The following BCO2 variants were observed in gnomAD, a reference collection of about 807,000 sequenced individuals.
BCO2 encodes the protein beta-carotene oxygenase 2, also known as carotenoid-cleaving dioxygenase, mitochondrial.
Under a neutral mutation model 65.8 loss-of-function variants are expected in BCO2, and 56 were observed. That is an observed-to-expected ratio of 0.85 (90% CI 0.69 to 1.06). The LOEUF (loss-of-function observed/expected upper bound fraction) is 1.06, where lower values mean the gene tolerates loss of function less well. Ranked by LOEUF, BCO2 falls within the 50% of genes least tolerant of loss-of-function variation. The pLI, the probability that BCO2 is intolerant of heterozygous loss-of-function variation, is 0.00. For missense variants in BCO2, 675 were observed against 698.5 expected (o/e 0.97, Z 0.38); for synonymous variants, 233 against 242.3 (o/e 0.96, Z 0.36).
Position 112,193,645 on chromosome 11 carries a change from G to A in BCO2, c.465G>A (p.Lys155=), listed in dbSNP as rs142649310. 25 of 1,614,174 alleles carry A rather than the reference G, an allele frequency of 1.5e-5. No individual in the cohort carries two copies. In the Admixed American group the frequency reaches 3.2e-4, roughly 20 times the overall value. The change falls in exon 3 of 12, where the codon AAG becomes AAA. Residue 155 remains lysine (K), a synonymous_variant. Transcript: ENST00000357685. ...FGTLALPDPC[K]NVFERFMSRF... ...CACTGGCTCTCCCGGATCCATGCAAGAATGTTTTTGAACGTTTCATGTCCA... is the reference window on the plus strand; with the variant it reads ...CACTGGCTCTCCCGGATCCATGCAAAAATGTTTTTGAACGTTTCATGTCCA...
At chr11:112,181,438 C>T (rs1867046471) in intron 2 of BCO2, 1 of 639,644 alleles carries the variant, frequency 1.6e-6, no homozygotes, top group Admixed American at 2.2e-5. Flanking sequence ...GCCTCGGCCT[C>T]CCAAAGTGCT....
At chr11:112,194,812 A>G (rs1867522469) in intron 5 of BCO2, 57 bp downstream of exon 5, 2 of 1,203,840 alleles carry the variant, frequency 1.7e-6, no homozygotes, top group East Asian at 2.4e-5. Context: ...CGGTGTGTAT[A>G]TAAAGATGAA....
rs374837817 is a variant in BCO2 at position 112,193,654 on chromosome 11, T to C, written c.474T>C (p.Phe158=). 25 of 1,614,072 alleles carry C rather than the reference T, an allele frequency of 1.5e-5. No homozygotes were observed. The African/African-American group carries it at 2.3e-4, about 15-fold the overall frequency. ...TCCCGGATCCATGCAAGAATGTTTT[T>C]GAACGTTTCATGTCCAGGTTTGAGC... The part of the protein sequence containing the change: ...LALPDPCKNV[F]ERFMSRFELP... Residue 158 remains phenylalanine (F), a synonymous_variant, in exon 3 of 12, where the codon TTT becomes TTC. Transcript: ENST00000357685.
chr11:112,190,842 G>C (rs993100247), intron 2 of BCO2, among the ~76,000 whole-genome samples: 6 of 141,172 alleles, frequency 4.3e-5, no homozygotes, highest in Non-Finnish European at 6.1e-5. Flanking sequence ...GGGCGACAGA[G>C]TGAGACTCTG....
chr11:112,185,255 C>T (rs1046853349), intron 2 of BCO2, among the ~76,000 whole-genome samples: 6 of 152,074 alleles, frequency 3.9e-5, no homozygotes, highest in Admixed American at 6.6e-5. Context: ...AAGATCTAAA[C>T]ATGGTGTGCT....
chr11:112,189,835 T>C (rs975917864), intron 2 of BCO2, among the ~76,000 whole-genome samples: 2 of 152,196 alleles, frequency 1.3e-5, no homozygotes, highest in African/African-American at 4.8e-5. Context: ...AAATGTGAGA[T>C]AGTCCCAATA....
At chr11:112,216,052 C>T in intron 10 of BCO2, 168 bp from the exon 11 acceptor site, 1 of 605,642 alleles carries the variant, frequency 1.7e-6, no homozygotes, top group South Asian at 1.9e-5. Context: ...CAGCACTTCC[C>T]ACTAGGCCCC....
At chr11:112,199,909 G>C in intron 6 of BCO2, 82 bp downstream of exon 6, 1 of 1,504,220 alleles carries the variant, frequency 6.6e-7, no homozygotes. Context: ...CAAATGTTAT[G>C]TTAATAGTTT....
chr11:112,189,669 TGGGATTACA>T (rs1867313107), intron 2 of BCO2, among the ~76,000 whole-genome samples: 1 of 152,142 alleles, frequency 6.6e-6, no homozygotes, highest in Non-Finnish European at 1.5e-5. Flanking sequence ...CCCAAAGTGC[TGGGATTACA>T]GGCGTAAGCC....
At chr11:112,215,292 C>T (rs575983601) in intron 10 of BCO2, 42 of 310,430 alleles carry the variant, frequency 1.4e-4, no homozygotes, top group African/African-American at 8.1e-4. Context: ...AAGACTCCCT[C>T]TCTTTCTCCC....
chr11:112,197,936 C>A (rs1867626164), intron 5 of BCO2, among the ~76,000 whole-genome samples: 1 of 152,204 alleles, frequency 6.6e-6, no homozygotes, highest in South Asian at 2.1e-4. Flanking sequence ...TCCCAGATAT[C>A]CTCAAGGCTT....
intron 8 of BCO2, among the ~76,000 whole-genome samples, chr11:112,212,296 T>A (rs1859532897): frequency 6.6e-6 from 1 of 152,162 alleles, no homozygotes. Context: ...TGTTGGGAGT[T>A]CCCAGGATCA....
chr11:112,181,030 CCA>C, intron 2 of BCO2: 1 of 1,463,978 alleles, frequency 6.8e-7, no homozygotes, highest in Admixed American at 1.7e-5. Context: ...TGTTAGGATT[CCA>C]CACAGAGTGG....
intron 7 of BCO2, 35 bp from the exon 8 acceptor site, chr11:112,201,988 A>C: frequency 1.3e-6 from 2 of 1,514,304 alleles, no homozygotes; most frequent in Non-Finnish European, 8.8e-7. Context: ...AAAACTAAAA[A>C]AAATTTTTTT....
At chr11:112,213,034 C>T (rs1859552075) in intron 8 of BCO2, among the ~76,000 whole-genome samples, 1 of 151,800 alleles carries the variant, frequency 6.6e-6, no homozygotes, top group South Asian at 2.1e-4. Flanking sequence ...CAGAGGTCTA[C>T]CTGATCAAAT....
chr11:112,178,807 T>A (rs1866951606), intron 1 of BCO2, among the ~76,000 whole-genome samples: 1 of 152,254 alleles, frequency 6.6e-6, no homozygotes, highest in South Asian at 2.1e-4. Context: ...GGAATCGCTA[T>A]GAAGTCTTTG....
chr11:112,199,301 T>C (rs1218567754), intron 5 of BCO2, among the ~76,000 whole-genome samples: 1 of 152,068 alleles, frequency 6.6e-6, no homozygotes, highest in Non-Finnish European at 1.5e-5. Flanking sequence ...TCCTTTTTTA[T>C]GGCTGCATAG....
chr11:112,182,048 C>G, intron 2 of BCO2: 1 of 320,224 alleles, frequency 3.1e-6, no homozygotes, highest in African/African-American at 2.2e-5. Flanking sequence ...GCAAAGGATA[C>G]GAACAGATAC....
At chr11:112,180,190 T>A (rs746194454) in intron 2 of BCO2, among the ~76,000 whole-genome samples, 38 of 152,262 alleles carry the variant, frequency 2.5e-4, no homozygotes, top group Admixed American at 8.5e-4. Context: ...TTACACATAC[T>A]TCATTCCCAT....
Sources: gnomAD v4.1 joint callset for allele counts (sites outside exome capture counted in the v4.1 genomes callset) on GRCh38, gnomAD v4.1.1 for gene constraint, MANE v1.5 for transcripts, NCBI Gene and HGNC (gene_info 2026-07-23, HGNC 2026-07-21) for gene names.